PTK2: variants seen among roughly 807,000 people sequenced by gnomAD.
PTK2 encodes the protein focal adhesion kinase 1.
Under a neutral mutation model 150.1 loss-of-function variants are expected in PTK2, and 45 were observed. That is an observed-to-expected ratio of 0.30 (90% confidence interval 0.24 to 0.38). The LOEUF is 0.38. Among genes scored for constraint, PTK2 ranks in the 10% least tolerant of loss-of-function variants. PTK2 has a pLI of 1.00. For synonymous variants in PTK2, 432 were observed against 449.2 expected, an observed-to-expected ratio of 0.96 and a Z score of 0.48; for missense variants, 919 against 1,307.3, an observed-to-expected ratio of 0.70 and a Z score of 4.58.
chr8:140,869,561 A>C (rs1428218618), intron 4 of PTK2, among the ~76,000 whole-genome samples: 1 of 152,108 alleles, frequency 6.6e-6, no homozygotes, highest in Non-Finnish European at 1.5e-5. Context: ...GACTTGGACA[A>C]TACATAAGTA....
At chr8:140,793,797 C>G (rs957586789) in intron 12 of PTK2, among the ~76,000 whole-genome samples, 5 of 152,178 alleles carry the variant, frequency 3.3e-5, no homozygotes, top group African/African-American at 9.7e-5. Context: ...AGAAGGAAAA[C>G]AATTCTACAG....
chr8:140,837,567 A>G (rs10090297), intron 7 of PTK2, among the ~76,000 whole-genome samples: 63,529 of 151,450 alleles, frequency 0.42, 14,923 homozygotes, highest in Non-Finnish European at 0.54. Flanking sequence ...CATCGCTACT[A>G]AAAATAAAAA....
intron 1 of PTK2, among the ~76,000 whole-genome samples, chr8:140,985,505 C>T (rs2154610062): frequency 6.6e-6 from 1 of 152,330 alleles, no homozygotes; most frequent in South Asian, 2.1e-4. Context: ...TCAAACCAAT[C>T]TCCACACGGT....
intron 24 of PTK2, among the ~76,000 whole-genome samples, chr8:140,705,548 G>T: frequency 6.6e-6 from 1 of 152,208 alleles, no homozygotes; most frequent in East Asian, 1.9e-4. Flanking sequence ...AGGATGGGAT[G>T]CACTGGGGTA....
rs377165852 is a variant in PTK2 at position 140,884,658 on chromosome 8, C to A, written c.196-5021G>T. 1.3e-3 allele frequency among the ~76,000 whole-genome samples: 198 copies of A among 152,238 alleles called. 5 individuals carry two copies. In the South Asian group the frequency reaches 0.039, roughly 30 times the overall value. On this transcript the variant is annotated intron_variant, in intron 3 of 31. Transcript: ENST00000522684. ...CCTATGGCCAAACTCAGGGAAAACTCCCTGAAGAATTCCCTTCCCCTACAG... is the reference window on the plus strand; with the variant it reads ...CCTATGGCCAAACTCAGGGAAAACTACCTGAAGAATTCCCTTCCCCTACAG...
chr8:140,741,211 G>A (rs2100055453), intron 20 of PTK2, among the ~76,000 whole-genome samples: 1 of 151,912 alleles, frequency 6.6e-6, no homozygotes, highest in African/African-American at 2.4e-5. Context: ...CAGCACTTTG[G>A]GAGGCTGAGG....
chr8:140,892,767 C>T (rs909075526), intron 2 of PTK2, among the ~76,000 whole-genome samples: 2 of 151,850 alleles, frequency 1.3e-5, no homozygotes, highest in South Asian at 2.1e-4. Context: ...TATATATATA[C>T]AGAAATTCTT....
Position 140,669,301 on chromosome 8 carries a change from G to GTGTA in PTK2, c.2710-878_2710-877insTACA, listed in dbSNP as rs1554641612. ...GTTAGAATTACACCAGCATAAAATGGTATATATATATATATATATATATAT... is the reference window on the plus strand; with the variant it reads ...GTTAGAATTACACCAGCATAAAATGGTGTATATATATATATATATATATATATAT... On this transcript the variant is annotated intron_variant, in intron 29 of 31. Coordinates refer to ENST00000522684, the Ensembl canonical transcript of PTK2. The GTGTA allele has an allele frequency of 3.6e-4, 35 of 97,992 alleles. 1 individual carries two copies. The highest frequency in any genetic ancestry group is 1.3e-3 in the African/African-American group (29 of 21,500). 6.1% of individuals were successfully genotyped at this position (97,992 alleles called of 1,614,324 possible). A position where few individuals can be genotyped will look rare whatever the true frequency, so the allele number is the denominator to read the frequency against.
At chr8:140,684,818 G>A (rs767633860) in intron 27 of PTK2, among the ~76,000 whole-genome samples, 11 of 152,052 alleles carry the variant, frequency 7.2e-5, no homozygotes, top group Admixed American at 5.2e-4. Flanking sequence ...TGGTCATACC[G>A]CCCAAAGCTT....
At chr8:140,791,611 G>A (rs549806805) in intron 13 of PTK2, among the ~76,000 whole-genome samples, 2 of 152,182 alleles carry the variant, frequency 1.3e-5, no homozygotes, top group South Asian at 4.1e-4. Flanking sequence ...TAGGACTCTG[G>A]TAATTAATAA....
Position 140,848,762 on chromosome 8 carries a change from G to A in PTK2, c.451-2084C>T, listed in dbSNP as rs574742570. Among the ~76,000 whole-genome samples the A allele has an allele frequency of 1.1e-4, 16 of 152,180 alleles. No individual in the cohort carries two copies. In the East Asian group the frequency reaches 2.7e-3, roughly 26 times the overall value. On this transcript the variant is annotated intron_variant, in intron 5 of 31. Transcript: ENST00000522684. ...TATTATCGAGCACAAAAATAAAGGC[G>A]CAAGAATTAAACCAAGATAGGTATT... is the stretch of plus-strand genomic sequence containing the variant.
At chr8:140,723,393 C>A (rs2100044098) in intron 22 of PTK2, among the ~76,000 whole-genome samples, 1 of 152,104 alleles carries the variant, frequency 6.6e-6, no homozygotes, top group African/African-American at 2.4e-5. Context: ...TTCTGAGAAA[C>A]CATAATTTGC....
intron 15 of PTK2, among the ~76,000 whole-genome samples, chr8:140,761,772 T>C (rs1395869115): frequency 3.3e-5 from 5 of 152,112 alleles, no homozygotes; most frequent in Non-Finnish European, 7.4e-5. Context: ...GATAATCCTA[T>C]CTCTACATTA....
At chr8:140,840,908 A>G (rs2100121952) in intron 7 of PTK2, among the ~76,000 whole-genome samples, 3 of 152,316 alleles carry the variant, frequency 2.0e-5, no homozygotes, top group South Asian at 4.1e-4. Flanking sequence ...GAAGAAATGA[A>G]AAGTATAAAC....
chr8:140,800,501 C>G (rs757803422), exon 12 of PTK2: 10 of 1,613,878 alleles, frequency 6.2e-6, no homozygotes, highest in Non-Finnish European at 8.5e-6. Flanking sequence ...GTTCCATTCA[C>G]CAGCCGGCAG....
At chr8:140,978,891 T>C (rs910328337) in intron 1 of PTK2, among the ~76,000 whole-genome samples, 5 of 151,770 alleles carry the variant, frequency 3.3e-5, no homozygotes, top group Non-Finnish European at 7.4e-5. Context: ...TGGATTAAGA[T>C]AATGTGGCAC....
intron 16 of PTK2, among the ~76,000 whole-genome samples, chr8:140,755,591 T>C (rs2100065201): frequency 6.6e-6 from 1 of 152,214 alleles, no homozygotes; most frequent in African/African-American, 2.4e-5. Context: ...AAGTTCTTTC[T>C]GAGCATCCCA....
At chr8:140,908,679 T>C (rs965153610) in intron 2 of PTK2, among the ~76,000 whole-genome samples, 2 of 151,520 alleles carry the variant, frequency 1.3e-5, no homozygotes, top group African/African-American at 4.9e-5. Flanking sequence ...GAATTCAAGA[T>C]AAGATTTGGG....
chr8:140,705,372 C>T (rs2100033113), intron 24 of PTK2, among the ~76,000 whole-genome samples: 2 of 152,174 alleles, frequency 1.3e-5, no homozygotes, highest in African/African-American at 4.8e-5. Flanking sequence ...AAGATAAGCC[C>T]TAAAAAGCAC....
Sources: gnomAD v4.1 joint callset for allele counts (sites outside exome capture counted in the v4.1 genomes callset) on GRCh38, gnomAD v4.1.1 for gene constraint, MANE v1.5 for transcripts, NCBI Gene and HGNC (gene_info 2026-07-23, HGNC 2026-07-21) for gene names.